PPP1R36: variants seen among roughly 807,000 people sequenced by gnomAD.
PPP1R36 encodes chromosome 14 open reading frame 50.
In PPP1R36, 47 loss-of-function variants were observed where a neutral mutation model predicts 53.4. That is an observed-to-expected ratio of 0.88 (90% CI 0.70 to 1.12). The LOEUF (loss-of-function observed/expected upper bound fraction) is 1.12, where lower values mean the gene tolerates loss of function less well. Ranked by LOEUF, PPP1R36 falls within the 50% of genes most tolerant of loss-of-function variation. The pLI, the probability that PPP1R36 is intolerant of heterozygous loss-of-function variation, is 0.00. For synonymous variants in PPP1R36, 153 were observed against 170.5 expected (o/e 0.90, Z 0.80); for missense variants, 456 against 513.9 (o/e 0.89, Z 1.09).
At chr14:64,565,752 C>A in intron 6 of PPP1R36, 60 bp downstream of exon 6, 2 of 1,260,030 alleles carry the variant, frequency 1.6e-6, no homozygotes, top group Non-Finnish European at 2.3e-6. Context: ...GTAACTTCAT[C>A]TGATAAGTGA....
At chr14:64,581,431 A>C (rs2080389109) in intron 8 of PPP1R36, among the ~76,000 whole-genome samples, 1 of 152,208 alleles carries the variant, frequency 6.6e-6, no homozygotes, top group Admixed American at 6.5e-5. Flanking sequence ...TTTCTGAAAA[A>C]CAACGCAGGG....
chr14:64,563,956 TC>T (rs2080228630), intron 3 of PPP1R36, among the ~76,000 whole-genome samples: 2 of 152,340 alleles, frequency 1.3e-5, no homozygotes, highest in South Asian at 4.1e-4. Context: ...GCTGAGACTC[TC>T]GAGAGTCTGT....
chr14:64,567,586 G>A (rs998601054), intron 6 of PPP1R36, among the ~76,000 whole-genome samples: 4 of 152,180 alleles, frequency 2.6e-5, no homozygotes, highest in African/African-American at 9.7e-5. Flanking sequence ...ATGTACATGT[G>A]TATATGTTGG....
intron 1 of PPP1R36, 50 bp from the exon 2 acceptor site, chr14:64,550,871 T>C (rs1241821625): frequency 3.0e-6 from 4 of 1,344,496 alleles, no homozygotes; most frequent in Non-Finnish European, 4.2e-6. Context: ...GGCATATGGA[T>C]TGTAAATTGA....
intron 8 of PPP1R36, among the ~76,000 whole-genome samples, chr14:64,580,531 A>G (rs757575391): frequency 2.0e-5 from 3 of 152,222 alleles, no homozygotes; most frequent in Admixed American, 6.5e-5. Flanking sequence ...TTGAAAGTAG[A>G]TGATGGCCTC....
At position 64,565,370 on chromosome 14, in the gene PPP1R36, A is replaced by G. The variant is rs2080241369; in HGVS notation, c.283A>G (p.Arg95Gly). 3 of 1,612,156 alleles carry G rather than the reference A, an allele frequency of 1.9e-6. No homozygotes were observed. In the South Asian group the frequency reaches 3.3e-5, roughly 18 times the overall value. ...ATTCCAAAACAGGTTGACAGATAAAAGACTTGCTGCAAAAGATGATAAGTC... is the reference window on the plus strand; with the variant it reads ...ATTCCAAAACAGGTTGACAGATAAAGGACTTGCTGCAAAAGATGATAAGTC... ...GPASDRLTDK[R>G]LAAKDDKSAK... is the part of the protein sequence containing the mutation. The change falls in exon 5 of 12, where the codon AGA becomes GGA. Residue 95 changes from arginine (R) to glycine (G), a missense_variant. Arg to Gly is a moderately radical substitution (Grantham distance 125). Transcript: ENST00000298705.
intron 3 of PPP1R36, among the ~76,000 whole-genome samples, chr14:64,560,809 C>G (rs1225322922): frequency 1.3e-5 from 2 of 152,182 alleles, no homozygotes; most frequent in Non-Finnish European, 2.9e-5. Context: ...TCTAAGACAG[C>G]TGATTGACAG....
chr14:64,574,852 G>A (rs565799814), intron 8 of PPP1R36, among the ~76,000 whole-genome samples: 2 of 152,320 alleles, frequency 1.3e-5, no homozygotes, highest in South Asian at 4.1e-4. Flanking sequence ...GTCTCTCAGT[G>A]AAATCTTGCT....
At chr14:64,550,779 G>C (rs2080088133) in intron 1 of PPP1R36, 142 bp from the exon 2 acceptor site, 2 of 627,270 alleles carry the variant, frequency 3.2e-6, no homozygotes, top group Non-Finnish European at 5.5e-6. Context: ...AGAGGGACTA[G>C]TAGGAACCAT....
chr14:64,589,065 CA>C, intron 11 of PPP1R36, 86 bp from the exon 12 acceptor site: 2 of 948,794 alleles, frequency 2.1e-6, no homozygotes, highest in Non-Finnish European at 3.3e-6. Context: ...CACACACATA[CA>C]TACACACAAC....
Position 64,568,362 on chromosome 14 carries a change from G to T in PPP1R36, c.448G>T (p.Asp150Tyr). The T allele has an allele frequency of 6.7e-7, 1 of 1,495,144 alleles. No individual in the cohort carries two copies. The highest frequency in any genetic ancestry group is 1.2e-5 in the South Asian group (1 of 80,804). The allele number at this position is 1,495,144 out of a possible 1,614,324, so 92.6% of individuals were successfully genotyped here. A position where few individuals can be genotyped will look rare whatever the true frequency, so the allele number is the denominator to read the frequency against. Residue 150 changes from aspartate (D) to tyrosine (Y), a missense_variant, in exon 7 of 12, where the codon GAT becomes TAT. By Grantham distance (160) the Asp-to-Tyr change is radical (BLOSUM62 -3). Transcript: ENST00000298705. Reference protein sequence around the residue: ...FTTFMRNKNLDNFLMALLYYL... With the variant: ...FTTFMRNKNLYNFLMALLYYL... ...ATCTCCCCATAGGAATAAGAATCTT[G>T]ATAATTTCCTCATGGCATTATTGTA...
intron 3 of PPP1R36, among the ~76,000 whole-genome samples, chr14:64,556,762 A>ATGTTTGTGTG (rs1555351247): frequency 0.029 from 3,834 of 134,042 alleles, 63 homozygotes; most frequent in Middle Eastern, 0.039. Flanking sequence ...TCTCCAAAAA[A>ATGTTTGTGTG]TGTGTGTGTG....
chr14:64,574,432 C>CT lies in PPP1R36; in HGVS notation c.534-15dup, dbSNP rs761320046. ...ACTTATGACAATTAACCCAAATTCT[C>CT]TTTTTTTTGTCCTCCCCATCAGAGG... is the stretch of plus-strand genomic sequence containing the variant. On this transcript the variant is annotated intron_variant, in intron 7 of 11. Transcript: ENST00000298705. 43 of 1,584,644 alleles carry CT rather than the reference C, an allele frequency of 2.7e-5. 1 individual carries two copies. The highest frequency in any genetic ancestry group is 3.4e-4 in the Middle Eastern group (2 of 5,932).
chr14:64,587,294 T>C lies in PPP1R36; in HGVS notation c.812T>C (p.Met271Thr), dbSNP rs2080441556. ...GTAGGGAGACTCTTTCGTACCAATATGTTCAACATTCCTCGCAGGAGGCGT... is the reference window on the plus strand; with the variant it reads ...GTAGGGAGACTCTTTCGTACCAATACGTTCAACATTCCTCGCAGGAGGCGT... ...EEVGRLFRTN[M>T]FNIPRRRRED... Residue 271 changes from methionine (M) to threonine (T), a missense_variant, in exon 10 of 12, where the codon ATG becomes ACG. Met to Thr is a moderately conservative substitution (Grantham distance 81). Coordinates refer to ENST00000298705, the MANE Select transcript of PPP1R36 (RefSeq NM_172365.3). The C allele has an allele frequency of 1.2e-6, 2 of 1,613,772 alleles. 1 individual carries two copies. Among genetic ancestry groups the C allele is most frequent in the South Asian group, 2.2e-5 (2 of 91,062 alleles).
rs1239617194 is a variant in PPP1R36 at position 64,568,413 on chromosome 14, A to C, written c.499A>C (p.Asn167His). The change falls in exon 7 of 12, where the codon AAC (asparagine) becomes CAC (histidine). Residue 167 changes from asparagine (N) to histidine (H), a missense_variant. Asn to His is a moderately conservative substitution (Grantham distance 68). Coordinates refer to ENST00000298705, the MANE Select transcript of PPP1R36 (RefSeq NM_172365.3). ...CTACTTATCCCATTACTTGGAAAAA[A>C]ACTCACTGGAAAAGAAACCCAAAAG... ...LYYLSHYLEKNSLEKKPKSYM... is the reference protein window; with the variant it reads ...LYYLSHYLEKHSLEKKPKSYM... The C allele has an allele frequency of 4.5e-6, 7 of 1,564,940 alleles. No homozygotes were observed. The highest frequency in any genetic ancestry group is 3.5e-6 in the Non-Finnish European group (4 of 1,148,424).
chr14:64,574,341 C>A, intron 7 of PPP1R36, 114 bp from the exon 8 acceptor site: 2 of 1,090,608 alleles, frequency 1.8e-6, no homozygotes, highest in Non-Finnish European at 2.6e-6. Flanking sequence ...GGTAGCAGAG[C>A]AAGACTCTGT....
At chr14:64,573,682 G>A (rs925035830) in intron 7 of PPP1R36, among the ~76,000 whole-genome samples, 1 of 151,648 alleles carries the variant, frequency 6.6e-6, no homozygotes, top group African/African-American at 2.4e-5. Flanking sequence ...GGAGGCCAAG[G>A]TGGGTGGATC....
chr14:64,583,857 T>G (rs1194299104), intron 8 of PPP1R36, among the ~76,000 whole-genome samples: 2 of 147,120 alleles, frequency 1.4e-5, no homozygotes, highest in African/African-American at 2.5e-5. Context: ...CCAGTGTGTA[T>G]GGCAACTCGA....
chr14:64,559,694 G>A (rs1162549434), intron 3 of PPP1R36, among the ~76,000 whole-genome samples: 1 of 152,244 alleles, frequency 6.6e-6, no homozygotes, highest in African/African-American at 2.4e-5. Context: ...CCCAGACAAA[G>A]TAGATTTAAA....
Sources: allele counts gnomAD v4.1 joint callset (sites outside exome capture counted in the v4.1 genomes callset), GRCh38; gene constraint gnomAD v4.1.1; transcripts MANE v1.5; gene names NCBI Gene and HGNC (gene_info 2026-07-23, HGNC 2026-07-21).